The following BRINP1 variants were observed in gnomAD, a reference collection of about 807,000 sequenced individuals.
The protein encoded by BRINP1 is BMP/retinoic acid-inducible neural-specific protein 1.
In BRINP1, 17 loss-of-function variants were observed where a neutral mutation model predicts 72.9. The observed-to-expected ratio is 0.23, with a 90% CI of 0.16 to 0.35. The LOEUF is 0.35. BRINP1 is among the 10% of genes least tolerant of loss of function. The probability of loss-of-function intolerance (pLI) is 1.00; values close to 1 mark genes in which losing one functional copy is unlikely to be tolerated. For synonymous variants in BRINP1, 418 were observed against 378.5 expected (o/e 1.10, Z -1.21); for missense variants, 850 against 1,001.6 (o/e 0.85, Z 2.04).
rs751477480 is a variant in BRINP1 at position 119,168,077 on chromosome 9, G to A, written c.1293C>T (p.Gly431=). 88 of 1,610,152 alleles carry A rather than the reference G, an allele frequency of 5.5e-5. No individual in the cohort carries two copies. Among genetic ancestry groups the A allele is most frequent in the Middle Eastern group, 1.7e-4 (1 of 6,046 alleles). The change falls in exon 8 of 8, where the codon GGC becomes GGT. Residue 431 remains glycine, a synonymous_variant. Coordinates refer to ENST00000265922, the MANE Select transcript of BRINP1 (RefSeq NM_014618.3). ...LCQRPIPCVI[G]GNNSCAMCSL... ...TGCACATGGCGCAGCTGTTGTTCCC[G>A]CCTATCACGCAGGGGATGGGGCGCT...
chr9:119,176,889 C>T (rs946034913), intron 7 of BRINP1, among the ~76,000 whole-genome samples: 1 of 151,990 alleles, frequency 6.6e-6, no homozygotes, highest in Non-Finnish European at 1.5e-5. Flanking sequence ...GAAAAAATGG[C>T]GGAATAATTA....
intron 2 of BRINP1, 142 bp downstream of exon 2, chr9:119,312,996 A>AT (rs112182279): frequency 2.0e-4 from 172 of 849,192 alleles, no homozygotes; most frequent in South Asian, 4.3e-4. Flanking sequence ...GAAAAAAAAA[A>AT]TTAATCAAAA....
At chr9:119,172,787 T>A (rs191480517) in intron 7 of BRINP1, among the ~76,000 whole-genome samples, 5 of 152,004 alleles carry the variant, frequency 3.3e-5, no homozygotes, top group Non-Finnish European at 7.3e-5. Context: ...TCCACCACGA[T>A]CAAGTGGGCT....
At chr9:119,207,901 T>C (rs1397625230) in intron 7 of BRINP1, among the ~76,000 whole-genome samples, 1 of 152,108 alleles carries the variant, frequency 6.6e-6, no homozygotes, top group East Asian at 1.9e-4. Flanking sequence ...AACCTGCCCT[T>C]TTGCTGTCTT....
chr9:119,337,813 C>G (rs1039152904), intron 1 of BRINP1, among the ~76,000 whole-genome samples: 10 of 152,232 alleles, frequency 6.6e-5, no homozygotes, highest in African/African-American at 2.4e-4. Flanking sequence ...ATGACATCAG[C>G]CCCTTCTCAA....
intron 1 of BRINP1, among the ~76,000 whole-genome samples, chr9:119,321,229 C>T (rs892197315): frequency 3.0e-4 from 46 of 152,148 alleles, no homozygotes; most frequent in African/African-American, 1.1e-3. Flanking sequence ...CCGCACCCGG[C>T]CATTGGTCCC....
At chr9:119,284,638 G>C (rs1315481774) in intron 2 of BRINP1, among the ~76,000 whole-genome samples, 1 of 152,074 alleles carries the variant, frequency 6.6e-6, no homozygotes, top group South Asian at 2.1e-4. Flanking sequence ...ACCCTGTGCT[G>C]CTGAAAATGG....
At chr9:119,366,538 GT>G in intron 1 of BRINP1, among the ~76,000 whole-genome samples, 1 of 150,234 alleles carries the variant, frequency 6.7e-6, no homozygotes, top group African/African-American at 2.5e-5. Context: ...GTGTGTGTGT[GT>G]GTGTGTGTGT....
intron 2 of BRINP1, among the ~76,000 whole-genome samples, chr9:119,272,614 A>C (rs765311823): frequency 2.0e-5 from 3 of 152,168 alleles, no homozygotes; most frequent in Admixed American, 2.0e-4. Flanking sequence ...CAGCCTGGAC[A>C]GTGAGGTCAG....
At chr9:119,232,065 A>G (rs1830153222) in intron 5 of BRINP1, among the ~76,000 whole-genome samples, 1 of 152,170 alleles carries the variant, frequency 6.6e-6, no homozygotes, top group Non-Finnish European at 1.5e-5. Context: ...GCATTTTCAC[A>G]TGTCCCATCA....
chr9:119,251,356 C>T (rs1299771586), intron 2 of BRINP1, among the ~76,000 whole-genome samples: 1 of 152,144 alleles, frequency 6.6e-6, no homozygotes, highest in Admixed American at 6.5e-5. Context: ...GGAACCTGAA[C>T]TTTTCGGGCC....
At chr9:119,285,944 C>T (rs957783186) in intron 2 of BRINP1, among the ~76,000 whole-genome samples, 1 of 152,162 alleles carries the variant, frequency 6.6e-6, no homozygotes, top group South Asian at 2.1e-4. Context: ...AACAAAACCA[C>T]CAACATCCCC....
Position 119,208,715 on chromosome 9 carries a change from T to G in BRINP1, c.1145+4A>C. On this transcript the variant is annotated splice_donor_region_variant and intron_variant, in intron 7 of 7. Coordinates refer to ENST00000265922, the MANE Select transcript of BRINP1 (RefSeq NM_014618.3). ...GCAGAGGTGGAGGTGGTGGCAACAC[T>G]TACCTCTCTCTAGGCAGCTGGTGGT... 1.2e-6 allele frequency: 2 copies of G among 1,612,478 alleles called. No individual in the cohort carries two copies. Among genetic ancestry groups the G allele is most frequent in the Non-Finnish European group, 1.7e-6 (2 of 1,179,884 alleles).
intron 1 of BRINP1, among the ~76,000 whole-genome samples, chr9:119,356,468 C>G (rs1831566862): frequency 6.6e-6 from 1 of 152,086 alleles, no homozygotes; most frequent in East Asian, 1.9e-4. Context: ...GTATTCATAG[C>G]TCATAAAAAA....
chr9:119,318,860 T>TGC (rs1378999183), intron 1 of BRINP1, among the ~76,000 whole-genome samples: 1 of 151,342 alleles, frequency 6.6e-6, no homozygotes, highest in East Asian at 1.9e-4. Context: ...TGTGTGTGTG[T>TGC]GTGTGTGTGT....
In BRINP1 at chr9:119,355,596, G is replaced by GC. The variant is rs757218101; in HGVS notation, c.-51+13459_-51+13460insG. On this transcript the variant is annotated intron_variant, in intron 1 of 7. Coordinates refer to ENST00000265922, the MANE Select transcript of BRINP1 (RefSeq NM_014618.3). ...ACAAAAAAATTAGCCGGGCGTGGTG[G>GC]TGGGTGCCTGTAGTCCCAGCTACTC... is the stretch of plus-strand genomic sequence containing the variant. 2.2e-3 allele frequency among the ~76,000 whole-genome samples: 337 copies of GC among 152,152 alleles called. 1 individual carries two copies. The highest frequency in any genetic ancestry group is 3.4e-3 in the Middle Eastern group (1 of 294).
At chr9:119,286,043 C>G (rs1049586787) in intron 2 of BRINP1, among the ~76,000 whole-genome samples, 1 of 152,112 alleles carries the variant, frequency 6.6e-6, no homozygotes, top group Non-Finnish European at 1.5e-5. Flanking sequence ...TTGCCATCAA[C>G]TTTATCATCA....
At chr9:119,337,134 C>T (rs1397225935) in intron 1 of BRINP1, among the ~76,000 whole-genome samples, 1 of 152,152 alleles carries the variant, frequency 6.6e-6, no homozygotes, top group Non-Finnish European at 1.5e-5. Flanking sequence ...AAGAGATGCT[C>T]AATAAATGTT....
intron 2 of BRINP1, among the ~76,000 whole-genome samples, chr9:119,311,444 T>C (rs1485109470): frequency 6.6e-6 from 1 of 152,224 alleles, no homozygotes; most frequent in African/African-American, 2.4e-5. Flanking sequence ...CAAAAGCAGA[T>C]ACAAGCCTTC....
Sources: gnomAD v4.1 joint callset for allele counts (sites outside exome capture counted in the v4.1 genomes callset) on GRCh38, gnomAD v4.1.1 for gene constraint, MANE v1.5 for transcripts, NCBI Gene and HGNC (gene_info 2026-07-23, HGNC 2026-07-21) for gene names.